FAM53B: variants seen among roughly 807,000 people sequenced by gnomAD.
FAM53B encodes family with sequence similarity 53 member B, also known as protein FAM53B.
A neutral mutation model predicts 32.7 loss-of-function variants in FAM53B; 12 were observed. The observed-to-expected ratio is 0.37, with a 90% CI of 0.24 to 0.59. The LOEUF (loss-of-function observed/expected upper bound fraction) is 0.59, where lower values mean the gene tolerates loss of function less well. FAM53B is among the 20% of genes least tolerant of loss of function. The probability of loss-of-function intolerance (pLI) is 0.72; values close to 1 mark genes in which losing one functional copy is unlikely to be tolerated. For synonymous variants in FAM53B, 234 were observed against 228.7 expected, an observed-to-expected ratio of 1.02 and a Z score of -0.21; for missense variants, 477 against 577.7, an observed-to-expected ratio of 0.83 and a Z score of 1.79.
intron 3 of FAM53B, among the ~76,000 whole-genome samples, chr10:124,695,199 T>C (rs566046104): frequency 5.8e-4 from 89 of 152,312 alleles, no homozygotes; most frequent in Non-Finnish European, 8.5e-4. Flanking sequence ...ACAGTCATCA[T>C]CATCTATCAT....
chr10:124,710,654 A>G (rs1210426930), intron 1 of FAM53B, among the ~76,000 whole-genome samples: 1 of 152,256 alleles, frequency 6.6e-6, no homozygotes, highest in Non-Finnish European at 1.5e-5. Context: ...AAGCCCTCCC[A>G]CAGGCCACCT....
intron 1 of FAM53B, among the ~76,000 whole-genome samples, chr10:124,730,875 G>A (rs912626171): frequency 6.6e-6 from 1 of 152,152 alleles, no homozygotes; most frequent in Non-Finnish European, 1.5e-5. Flanking sequence ...AAAGGGCCAG[G>A]CAATAAATAT....
chr10:124,643,438 C>T (rs1026922509), intron 4 of FAM53B, among the ~76,000 whole-genome samples: 1 of 152,218 alleles, frequency 6.6e-6, no homozygotes. Context: ...GCTCTTTCAG[C>T]GTGGCTGCAG....
chr10:124,724,718 C>A (rs1469345594), intron 1 of FAM53B, among the ~76,000 whole-genome samples: 3 of 152,208 alleles, frequency 2.0e-5, no homozygotes, highest in Non-Finnish European at 2.9e-5. Flanking sequence ...ACAGCCCCAG[C>A]CGTGACCCAA....
At chr10:124,709,002 TG>T (rs34053046) in intron 1 of FAM53B, among the ~76,000 whole-genome samples, 21,122 of 152,298 alleles carry the variant, frequency 0.14, 1,720 homozygotes, top group African/African-American at 0.2. Flanking sequence ...ACAAGGTTAC[TG>T]TATCTGATGA....
chr10:124,686,512 C>T (rs1309458946), intron 3 of FAM53B, among the ~76,000 whole-genome samples: 2 of 152,224 alleles, frequency 1.3e-5, no homozygotes, highest in Admixed American at 6.5e-5. Flanking sequence ...ATCTTCCTTT[C>T]ACCAAGAGTC....
Position 124,623,383 on chromosome 10 carries a change from C to T in FAM53B, c.1128G>A (p.Glu376=), listed in dbSNP as rs1339371470. 6.2e-7 allele frequency: 1 copy of T among 1,612,560 alleles called. No individual in the cohort carries two copies. Among genetic ancestry groups the T allele is most frequent in the East Asian group, 2.2e-5 (1 of 44,886 alleles). The change falls in exon 5 of 5, where the codon GAG becomes GAA. Residue 376 remains glutamate (E), a synonymous_variant. Transcript: ENST00000337318. The part of the protein sequence containing the change: ...HLACQEDLSC[E]ESDSCALDED... ...CGTCCAGGGCGCAGCTGTCTGACTCCTCACAGGACAGGTCCTCCTGGCAGG... is the reference window on the plus strand; with the variant it reads ...CGTCCAGGGCGCAGCTGTCTGACTCTTCACAGGACAGGTCCTCCTGGCAGG...
chr10:124,623,447 A>T lies in FAM53B; in HGVS notation c.1064T>A (p.Val355Asp), dbSNP rs1225892933. 1 of 1,594,460 alleles carries T rather than the reference A, an allele frequency of 6.3e-7. No homozygotes were observed. Among genetic ancestry groups the T allele is most frequent in the Non-Finnish European group, 8.5e-7 (1 of 1,171,626 alleles). ...GAAGGAAGGGGGAAGAGGCTCAGGGACCGGGGTCCCAGCGGGGGTCCTGCC... is the reference window on the plus strand; with the variant it reads ...GAAGGAAGGGGGAAGAGGCTCAGGGTCCGGGGTCCCAGCGGGGGTCCTGCC... ...PGGRTPAGTP[V>D]PEPLPPSFDD... Residue 355 changes from valine (V) to aspartate (D), a missense_variant, in exon 5 of 5, where the codon GTC (valine) becomes GAC (aspartate). By Grantham distance (152) the Val-to-Asp change is radical (BLOSUM62 -3). Transcript: ENST00000337318.
chr10:124,713,915 G>C (rs1443713526), intron 1 of FAM53B: 1 of 152,176 alleles, frequency 6.6e-6, no homozygotes, highest in Non-Finnish European at 1.5e-5. Context: ...GAAATAGGAG[G>C]GGAAGACAGC....
At chr10:124,703,964 T>C (rs887529208) in intron 2 of FAM53B, 3 of 152,422 alleles carry the variant, frequency 2.0e-5, no homozygotes, top group Admixed American at 6.5e-5. Flanking sequence ...GCCACACCTC[T>C]TGGAAGAGCA....
intron 4 of FAM53B, among the ~76,000 whole-genome samples, chr10:124,632,147 G>A (rs554079427): frequency 2.0e-5 from 3 of 152,348 alleles, no homozygotes; most frequent in Middle Eastern, 3.4e-3. Flanking sequence ...GCCCCTCTCC[G>A]AGGGCACCCC....
rs534788600 is a variant in FAM53B at position 124,716,247 on chromosome 10, C to T, written c.-174-9360G>A. Among the ~76,000 whole-genome samples, 27 of 152,302 alleles carry T rather than the reference C, an allele frequency of 1.8e-4. 1 individual carries two copies. The highest frequency in any genetic ancestry group is 6.3e-4 in the African/African-American group (26 of 41,568). ...TAATCAAAGGCCACCGAAGGCCACACTTGGGGAAGGACTGGGAGTCACACT... is the reference window on the plus strand; with the variant it reads ...TAATCAAAGGCCACCGAAGGCCACATTTGGGGAAGGACTGGGAGTCACACT... On this transcript the variant is annotated intron_variant, in intron 1 of 4. Coordinates refer to ENST00000337318, the MANE Select transcript of FAM53B (RefSeq NM_014661.4).
At chr10:124,696,368 T>C (rs572291558) in intron 2 of FAM53B, among the ~76,000 whole-genome samples, 156 bp from the exon 3 acceptor site, 3 of 152,340 alleles carry the variant, frequency 2.0e-5, no homozygotes, top group Non-Finnish European at 2.9e-5. Flanking sequence ...AGAGAAAACA[T>C]CTGCACAAAA....
intron 1 of FAM53B, among the ~76,000 whole-genome samples, chr10:124,729,162 G>A (rs1200532556): frequency 6.6e-6 from 1 of 152,210 alleles, no homozygotes; most frequent in East Asian, 1.9e-4. Context: ...GGGTTCTTTT[G>A]GGCACATGCA....
At chr10:124,699,275 G>A (rs901993307) in intron 2 of FAM53B, among the ~76,000 whole-genome samples, 11 of 152,184 alleles carry the variant, frequency 7.2e-5, no homozygotes, top group South Asian at 2.1e-4. Context: ...ACCTGTCAGC[G>A]CCAGCCTGTC....
chr10:124,693,056 G>A (rs1949845209), intron 3 of FAM53B, among the ~76,000 whole-genome samples: 2 of 152,148 alleles, frequency 1.3e-5, no homozygotes, highest in Non-Finnish European at 2.9e-5. Context: ...AGACAGGCTG[G>A]GGGTTGGTGA....
intron 3 of FAM53B, among the ~76,000 whole-genome samples, chr10:124,689,685 G>C (rs1949822393): frequency 1.3e-5 from 2 of 152,252 alleles, no homozygotes; most frequent in Admixed American, 1.3e-4. Context: ...GGGGTTCAGA[G>C]CCATTACCAG....
chr10:124,643,591 G>C (rs2134046085), intron 4 of FAM53B, among the ~76,000 whole-genome samples: 1 of 152,378 alleles, frequency 6.6e-6, no homozygotes, highest in East Asian at 1.9e-4. Context: ...TTAAAAATCT[G>C]AGCCTGTGGG....
chr10:124,663,723 A>C (rs1415200188), intron 4 of FAM53B, among the ~76,000 whole-genome samples: 1 of 151,958 alleles, frequency 6.6e-6, no homozygotes, highest in Non-Finnish European at 1.5e-5. Flanking sequence ...TTCCATGGTG[A>C]TTTTGGGCCT....
Sources: allele counts gnomAD v4.1 joint callset (sites outside exome capture counted in the v4.1 genomes callset), GRCh38; gene constraint gnomAD v4.1.1; transcripts MANE v1.5; gene names NCBI Gene and HGNC (gene_info 2026-07-23, HGNC 2026-07-21).